POU6F2: variants seen among roughly 807,000 people sequenced by gnomAD.
POU6F2 encodes POU class 6 homeobox 2, also known as POU domain, class 6, transcription factor 2.
POU6F2 carries 31 observed loss-of-function variants against 71.3 expected under a neutral mutation model. The ratio of observed to expected loss-of-function variants is 0.43; its 90% confidence interval spans 0.33 to 0.59. The LOEUF (loss-of-function observed/expected upper bound fraction) is 0.59. Among genes scored for constraint, POU6F2 ranks in the 20% least tolerant of loss-of-function variants. The pLI is 0.04. For synonymous variants in POU6F2, 347 were observed against 355.7 expected, an observed-to-expected ratio of 0.98 and a Z score of 0.27; for missense variants, 783 against 856.8, an observed-to-expected ratio of 0.91 and a Z score of 1.07.
chr7:38,992,570 G>C (rs1309242188), intron 1 of POU6F2, among the ~76,000 whole-genome samples: 1 of 152,148 alleles, frequency 6.6e-6, no homozygotes, highest in African/African-American at 2.4e-5. Context: ...TGTGTTTCAG[G>C]AGTTTACACT....
At chr7:39,196,467 A>C (rs1227230906) in intron 2 of POU6F2, among the ~76,000 whole-genome samples, 54 of 152,340 alleles carry the variant, frequency 3.5e-4, no homozygotes, top group Admixed American at 3.5e-3. Flanking sequence ...AAGAATTTGC[A>C]CTAATTTGGG....
chr7:39,157,118 G>A (rs1792886335), intron 2 of POU6F2, among the ~76,000 whole-genome samples: 2 of 152,182 alleles, frequency 1.3e-5, no homozygotes, highest in South Asian at 4.1e-4. Flanking sequence ...TACCGAGGCA[G>A]AGCACAGGCT....
intron 5 of POU6F2, among the ~76,000 whole-genome samples, chr7:39,404,094 G>C (rs1787364984): frequency 6.6e-6 from 1 of 152,226 alleles, no homozygotes; most frequent in Non-Finnish European, 1.5e-5. Flanking sequence ...TAGGTTTTAA[G>C]CTAGGACCAG....
intron 1 of POU6F2, among the ~76,000 whole-genome samples, chr7:38,986,843 AG>A (rs1788475962): frequency 6.6e-6 from 1 of 152,170 alleles, no homozygotes; most frequent in African/African-American, 2.4e-5. Context: ...ACACAACCCA[AG>A]TAGAACTATA....
chr7:39,465,817 T>C lies in POU6F2; in HGVS notation c.*1131T>C, dbSNP rs561095791. 1 of 152,362 alleles carries C rather than the reference T, an allele frequency of 6.6e-6. No individual in the cohort carries two copies. The highest frequency in any genetic ancestry group is 1.9e-4 in the East Asian group (1 of 5,190). 9.4% of individuals were successfully genotyped at this position (152,362 alleles called of 1,614,324 possible). On this transcript the variant is annotated 3_prime_UTR_variant, in exon 10 of 10. Transcript: ENST00000518318. Reference sequence around the variant, plus strand: ...GAGCTGACCAAAACTAATTTTGTAATATAAACATAAGCTGCACATTTGGTT... The same window carrying C: ...GAGCTGACCAAAACTAATTTTGTAACATAAACATAAGCTGCACATTTGGTT...
At chr7:38,982,155 G>T (rs1033570453) in intron 1 of POU6F2, among the ~76,000 whole-genome samples, 3 of 151,728 alleles carry the variant, frequency 2.0e-5, no homozygotes, top group African/African-American at 7.3e-5. Flanking sequence ...GAAACACTGG[G>T]GCTAACCTAA....
At chr7:39,015,487 TATAG>T (rs1789458078) in intron 1 of POU6F2, among the ~76,000 whole-genome samples, 1 of 105,988 alleles carries the variant, frequency 9.4e-6, no homozygotes, top group Admixed American at 1.2e-4. Flanking sequence ...CTATGTTTTA[TATAG>T]ATATATTATA....
Position 39,433,151 on chromosome 7 carries a change from A to C in POU6F2, c.1188A>C (p.Gln396His). The change falls in exon 7 of 10, where the codon CAA becomes CAC. Residue 396 changes from glutamine to histidine, a missense_variant. By Grantham distance (24) the Gln-to-His change is conservative. This residue lies in a region of POU6F2 where 572 missense variants were observed against 572.9 expected (regional missense o/e 1.00). Transcript: ENST00000518318. Reference sequence around the variant, plus strand: ...CAGCAAGCGGCACTCAGGGCTTGCAAGTGCAGCCAATCACCCCCCAGCTCC... The same window carrying C: ...CAGCAAGCGGCACTCAGGGCTTGCACGTGCAGCCAATCACCCCCCAGCTCC... ...SQAASGTQGL[Q>H]VQPITPQLLT... The C allele has an allele frequency of 6.2e-7, 1 of 1,613,774 alleles. No homozygotes were observed. The highest frequency in any genetic ancestry group is 8.5e-7 in the Non-Finnish European group (1 of 1,179,846).
intron 1 of POU6F2, among the ~76,000 whole-genome samples, chr7:39,014,007 T>C (rs1378501891): frequency 6.6e-6 from 1 of 152,188 alleles, no homozygotes; most frequent in Non-Finnish European, 1.5e-5. Context: ...CCTCATGAGT[T>C]GCAAAAAGAA....
chr7:39,054,645 T>C (rs902872642), intron 1 of POU6F2, among the ~76,000 whole-genome samples: 2 of 151,912 alleles, frequency 1.3e-5, no homozygotes, highest in African/African-American at 4.8e-5. Flanking sequence ...CAGAAAAGGC[T>C]TCTTTGAGGA....
chr7:39,295,702 A>G (rs1025487703), intron 4 of POU6F2, among the ~76,000 whole-genome samples: 2 of 152,250 alleles, frequency 1.3e-5, no homozygotes, highest in African/African-American at 2.4e-5. Context: ...TTATATCTTG[A>G]TATCAAGAAG....
intron 2 of POU6F2, among the ~76,000 whole-genome samples, chr7:39,168,119 T>A (rs1793147617): frequency 6.6e-6 from 1 of 152,172 alleles, no homozygotes; most frequent in African/African-American, 2.4e-5. Flanking sequence ...ATTTATTAGA[T>A]CTTATAAGAG....
At chr7:39,374,993 T>G (rs1430253792) in intron 5 of POU6F2, among the ~76,000 whole-genome samples, 1 of 152,232 alleles carries the variant, frequency 6.6e-6, no homozygotes, top group Non-Finnish European at 1.5e-5. Flanking sequence ...GTCTAACTGC[T>G]TTCTACAGTT....
chr7:39,332,866 G>A (rs926834406), intron 4 of POU6F2, among the ~76,000 whole-genome samples: 4 of 152,210 alleles, frequency 2.6e-5, no homozygotes, highest in Non-Finnish European at 5.9e-5. Context: ...GTGTTTTGGG[G>A]TGAGATTGTA....
At chr7:39,300,631 A>G (rs1337357974) in intron 4 of POU6F2, among the ~76,000 whole-genome samples, 1 of 151,938 alleles carries the variant, frequency 6.6e-6, no homozygotes, top group Non-Finnish European at 1.5e-5. Context: ...TCTGAGGGCC[A>G]TGGAGGAAGC....
chr7:39,456,582 G>A (rs1476169573), intron 8 of POU6F2, among the ~76,000 whole-genome samples: 1 of 152,140 alleles, frequency 6.6e-6, no homozygotes, highest in African/African-American at 2.4e-5. Flanking sequence ...AGTAATCAGG[G>A]TAAAGCTAAT....
chr7:39,290,773 G>T (rs1784739887), intron 4 of POU6F2, among the ~76,000 whole-genome samples: 1 of 152,084 alleles, frequency 6.6e-6, no homozygotes, highest in Admixed American at 6.5e-5. Context: ...TTCAGGGACT[G>T]CAGGCCTGTG....
chr7:39,400,603 G>A (rs1224153299), intron 5 of POU6F2, among the ~76,000 whole-genome samples: 1 of 152,166 alleles, frequency 6.6e-6, no homozygotes, highest in African/African-American at 2.4e-5. Flanking sequence ...ACAACGCTGA[G>A]ACCCTACAAA....
intron 7 of POU6F2, 126 bp downstream of exon 7, chr7:39,433,409 A>G (rs1368009816): frequency 2.0e-6 from 2 of 1,003,490 alleles, no homozygotes; most frequent in Non-Finnish European, 1.4e-6. Context: ...TCATCTGAAC[A>G]TATCGATACT....
Sources: allele counts gnomAD v4.1 joint callset (sites outside exome capture counted in the v4.1 genomes callset), GRCh38; gene constraint gnomAD v4.1.1; regional missense constraint gnomAD v4.1.1; transcripts MANE v1.5; gene names NCBI Gene and HGNC (gene_info 2026-07-23, HGNC 2026-07-21).